Variants in CLMN observed in about 807,000 individuals in gnomAD.
CLMN encodes calmin (calponin-like, transmembrane).
A neutral mutation model predicts 92.7 loss-of-function variants in CLMN; 57 were observed. The ratio of observed to expected loss-of-function variants is 0.61; its 90% CI spans 0.50 to 0.77. CLMN has a LOEUF of 0.77. Among genes scored for constraint, CLMN ranks in the 30% least tolerant of loss-of-function variants. CLMN has a pLI of 0.00. For synonymous variants in CLMN, 466 were observed against 470.6 expected (o/e 0.99, Z 0.13); for missense variants, 1,158 against 1,237.5 (o/e 0.94, Z 0.96).
chr14:95,263,014 A>C (rs988431502), intron 1 of CLMN, among the ~76,000 whole-genome samples: 1 of 152,236 alleles, frequency 6.6e-6, no homozygotes, highest in African/African-American at 2.4e-5. Context: ...AGTGGCTCCC[A>C]GGCTCAGCCT....
intron 1 of CLMN, among the ~76,000 whole-genome samples, chr14:95,285,934 A>G (rs879804428): frequency 2.6e-5 from 4 of 152,160 alleles, no homozygotes; most frequent in Non-Finnish European, 5.9e-5. Context: ...CCAGGTAGCC[A>G]CCAACAATTG....
chr14:95,272,601 C>A (rs149858524), intron 1 of CLMN, among the ~76,000 whole-genome samples: 11 of 152,268 alleles, frequency 7.2e-5, no homozygotes, highest in African/African-American at 2.6e-4. Flanking sequence ...ACATTTAGTA[C>A]GACAATACAC....
At chr14:95,318,196 A>G (rs1901879198) in intron 1 of CLMN, among the ~76,000 whole-genome samples, 1 of 152,196 alleles carries the variant, frequency 6.6e-6, no homozygotes, top group Admixed American at 6.5e-5. Flanking sequence ...TAAGACAGAC[A>G]GGTACACACA....
chr14:95,258,718 T>G (rs906539471), intron 1 of CLMN, among the ~76,000 whole-genome samples: 1 of 145,146 alleles, frequency 6.9e-6, no homozygotes, highest in African/African-American at 2.6e-5. Context: ...TGTGTTTGTG[T>G]GTGGTATGTG....
intron 1 of CLMN, among the ~76,000 whole-genome samples, chr14:95,263,107 G>A (rs1899323287): frequency 6.6e-6 from 1 of 152,198 alleles, no homozygotes; most frequent in African/African-American, 2.4e-5. Context: ...ACATACCCGA[G>A]ACTGGCTAAT....
chr14:95,297,553 T>C (rs1053617414), intron 1 of CLMN, among the ~76,000 whole-genome samples: 3 of 152,180 alleles, frequency 2.0e-5, no homozygotes, highest in African/African-American at 7.2e-5. Context: ...CACACATCCA[T>C]TTTTTGTCCT....
In CLMN at chr14:95,210,959, G is replaced by A. The variant is rs527901473; in HGVS notation, c.609-80C>T. The stretch of plus-strand genomic sequence containing the variant: ...GGTGCAAGGTCAGCATGCAGCAGCC[G>A]CGTGAGTTTTTGAGTGGGGCAGAGC... On this transcript the variant is annotated intron_variant, in intron 6 of 12. Transcript: ENST00000298912. 9.5e-5 allele frequency: 136 copies of A among 1,438,856 alleles called. 2 individuals are homozygous for A. Among genetic ancestry groups the A allele is most frequent in the South Asian group, 7.5e-4 (51 of 67,598 alleles). 89.1% of individuals were successfully genotyped at this position (1,438,856 alleles called of 1,614,324 possible).
chr14:95,275,948 C>G (rs1447249629), intron 1 of CLMN, among the ~76,000 whole-genome samples: 1 of 152,238 alleles, frequency 6.6e-6, no homozygotes, highest in Non-Finnish European at 1.5e-5. Context: ...CAGGCATGAG[C>G]CACCATGCCT....
At chr14:95,311,226 C>T (rs1303012345) in intron 1 of CLMN, among the ~76,000 whole-genome samples, 1 of 152,130 alleles carries the variant, frequency 6.6e-6, no homozygotes, top group African/African-American at 2.4e-5. Flanking sequence ...CCACCCGCCG[C>T]CCCAGTTCTC....
chr14:95,258,122 TTA>T (rs201771997), intron 1 of CLMN, among the ~76,000 whole-genome samples: 2 of 151,274 alleles, frequency 1.3e-5, no homozygotes, highest in East Asian at 3.9e-4. Context: ...TGTGCAGTGT[TTA>T]TGTGTGTTTG....
At chr14:95,300,200 C>T (rs1278182507) in intron 1 of CLMN, among the ~76,000 whole-genome samples, 1 of 152,186 alleles carries the variant, frequency 6.6e-6, no homozygotes, top group Non-Finnish European at 1.5e-5. Flanking sequence ...TGGCTGAGAC[C>T]ACATCCTGCC....
rs975075405 is a variant in CLMN at position 95,294,384 on chromosome 14, G to A, written c.82+25327C>T. On this transcript the variant is annotated intron_variant, in intron 1 of 12. Transcript: ENST00000298912. The surrounding 1 kb of genome is among the most constrained non-coding windows in gnomAD (Gnocchi z 4.2). ...ACAATCTCTTAGGGCACCTCTGGAA[G>A]GAGAAGGGCTGGGGGCAGAACGTGT... Among the ~76,000 whole-genome samples the A allele has an allele frequency of 6.6e-6, 1 of 152,206 alleles. No individual in the cohort carries two copies. The highest frequency in any genetic ancestry group is 1.9e-4 in the East Asian group (1 of 5,194).
Position 95,294,552 on chromosome 14 carries a change from G to A in CLMN, c.82+25159C>T, listed in dbSNP as rs747621264. Reference sequence around the variant, plus strand: ...TCCCCCTCCCTCACCTGTCCCTTCCGAGTCACATGATCTTGGGAAGTTACC... The same window carrying A: ...TCCCCCTCCCTCACCTGTCCCTTCCAAGTCACATGATCTTGGGAAGTTACC... On this transcript the variant is annotated intron_variant, in intron 1 of 12. Transcript: ENST00000298912. The surrounding 1 kb of genome is among the most constrained non-coding windows in gnomAD (Gnocchi z 4.2). Among the ~76,000 whole-genome samples the A allele has an allele frequency of 3.9e-5, 6 of 152,196 alleles. No homozygotes were observed. Among genetic ancestry groups the A allele is most frequent in the African/African-American group, 7.2e-5 (3 of 41,444 alleles).
In CLMN at chr14:95,215,690, T is replaced by G. The variant is rs1394904667; in HGVS notation, c.368A>C (p.Asn123Thr). 1.1e-5 allele frequency: 17 copies of G among 1,614,118 alleles called. No homozygotes were observed. Among genetic ancestry groups the G allele is most frequent in the Non-Finnish European group, 1.4e-5 (17 of 1,180,028 alleles). Residue 123 changes from asparagine to threonine, a missense_variant, in exon 5 of 13, where the codon AAC (asparagine) becomes ACC (threonine). By Grantham distance (65) the Asn-to-Thr change is moderately conservative. Transcript: ENST00000298912. ...TATCAGCCCAAGAACCAAAGAAGGG[T>G]TGCCATCTGCTATTTCTGCTGCATC... is the stretch of plus-strand genomic sequence containing the variant. ...SIDAAEIADG[N>T]PSLVLGLIWN...
chr14:95,274,269 C>T (rs1899834919), intron 1 of CLMN, among the ~76,000 whole-genome samples: 1 of 151,994 alleles, frequency 6.6e-6, no homozygotes, highest in Non-Finnish European at 1.5e-5. Flanking sequence ...CATCGTTCTG[C>T]TTGGAAATGC....
At chr14:95,308,619 CT>C (rs530534327) in intron 1 of CLMN, among the ~76,000 whole-genome samples, 56 of 152,290 alleles carry the variant, frequency 3.7e-4, no homozygotes, top group South Asian at 4.2e-4. Context: ...GGGTCCTGCA[CT>C]GTGGTCACCT....
chr14:95,243,072 G>GA (rs561568182), intron 1 of CLMN, among the ~76,000 whole-genome samples: 346 of 152,286 alleles, frequency 2.3e-3, no homozygotes, highest in African/African-American at 7.8e-3. Context: ...GCATAAATGG[G>GA]TATGGCTGTG....
At chr14:95,284,238 C>T (rs992500406) in intron 1 of CLMN, among the ~76,000 whole-genome samples, 5 of 152,152 alleles carry the variant, frequency 3.3e-5, no homozygotes, top group African/African-American at 7.2e-5. Context: ...TGGGAACCTC[C>T]GCCTAGATTT....
chr14:95,296,699 C>T (rs1344025481), intron 1 of CLMN, among the ~76,000 whole-genome samples: 1 of 152,174 alleles, frequency 6.6e-6, no homozygotes, highest in Non-Finnish European at 1.5e-5. Context: ...CTCTAGCAGC[C>T]ATCTTGGGTC....
Sources: allele counts gnomAD v4.1 joint callset (sites outside exome capture counted in the v4.1 genomes callset), GRCh38; gene constraint gnomAD v4.1.1; non-coding constraint Gnocchi (gnomAD v3.1); transcripts MANE v1.5; gene names NCBI Gene and HGNC (gene_info 2026-07-23, HGNC 2026-07-21).